The following ATP2C1 variants were observed in gnomAD, a reference collection of about 807,000 sequenced individuals.
The protein encoded by ATP2C1 is ATPase secretory pathway Ca2+ transporting 1.
A neutral mutation model predicts 120.5 loss-of-function variants in ATP2C1; 31 were observed. The ratio of observed to expected loss-of-function variants is 0.26; its 90% confidence interval spans 0.19 to 0.35. ATP2C1 has a LOEUF of 0.35. Ranked by LOEUF, ATP2C1 falls within the 10% of genes least tolerant of loss-of-function variation. The probability of loss-of-function intolerance (pLI) is 1.00; values close to 1 mark genes in which losing one functional copy is unlikely to be tolerated. For missense variants in ATP2C1, 731 were observed against 1,107.5 expected (o/e 0.66, Z 4.83); for synonymous variants, 351 against 358.7 (o/e 0.98, Z 0.24).
In ATP2C1 at chr3:130,894,354, C is replaced by T. The variant is rs1336560708; in HGVS notation, c.-181+17C>T. The T allele has an allele frequency of 3.7e-6, 4 of 1,072,568 alleles. No homozygotes were observed. Among genetic ancestry groups the T allele is most frequent in the African/African-American group, 1.7e-5 (1 of 59,926 alleles). 66.4% of individuals were successfully genotyped at this position (1,072,568 alleles called of 1,614,324 possible). A position where few individuals can be genotyped will look rare whatever the true frequency, so the allele number is the denominator to read the frequency against. On this transcript the variant is annotated intron_variant, in intron 1 of 27. Coordinates refer to ENST00000510168, the MANE Select transcript of ATP2C1 (RefSeq NM_001378687.1). The surrounding 1 kb of genome is among the most constrained non-coding windows in gnomAD (Gnocchi z 4.5). ...GGGCTTTGGGTGGGTACCAGTATTA[C>T]CTCCTGCCCCCATTTCTAGAAACTT... is the stretch of plus-strand genomic sequence containing the variant.
At chr3:130,999,767 ACTTGATTTG>A in intron 27 of ATP2C1, 108 bp downstream of exon 27, 1 of 1,083,054 alleles carries the variant, frequency 9.2e-7, no homozygotes, top group South Asian at 1.5e-5. Context: ...TAAGTAACTC[ACTTGATTTG>A]AAAAAGGAGT....
intron 2 of ATP2C1, among the ~76,000 whole-genome samples, chr3:130,916,782 A>T (rs1178760034): frequency 1.3e-5 from 2 of 151,208 alleles, no homozygotes; most frequent in African/African-American, 2.4e-5. Flanking sequence ...TTCTTTTTTT[A>T]TTCAGCTCTC....
Position 130,950,928 on chromosome 3 carries a change from G to A in ATP2C1, c.532-2893G>A, listed in dbSNP as rs2060346234. Reference sequence around the variant, plus strand: ...TCACTTCATGTTAGTATTTATCCATGTTTAAGATTTACATTTAAAGCAAAA... The same window carrying A: ...TCACTTCATGTTAGTATTTATCCATATTTAAGATTTACATTTAAAGCAAAA... On this transcript the variant is annotated intron_variant, in intron 8 of 27. Coordinates refer to ENST00000510168, the MANE Select transcript of ATP2C1 (RefSeq NM_001378687.1). 2.6e-5 allele frequency among the ~76,000 whole-genome samples: 4 copies of A among 152,004 alleles called. 1 individual carries two copies. In the South Asian group the frequency reaches 8.3e-4, roughly 32 times the overall value.
At chr3:130,913,869 A>G (rs888814866) in intron 2 of ATP2C1, among the ~76,000 whole-genome samples, 1 of 152,198 alleles carries the variant, frequency 6.6e-6, no homozygotes, top group Non-Finnish European at 1.5e-5. Flanking sequence ...ATCACTTACT[A>G]GTTTTGTTAA....
Position 131,015,332 on chromosome 3 carries a change from AATCT to A in ATP2C1, c.2630-815_2630-812del, listed in dbSNP as rs2063562731. ...CTGAGTGGAGAGACAAACAAAACAC[AATCT>A]ATCTCCTTTTTATCTTCATCTCTCC... On this transcript the variant is annotated intron_variant, in intron 26 of 26. Transcript: ENST00000328560. 18 of 648,374 alleles carry A rather than the reference AATCT, an allele frequency of 2.8e-5. No individual in the cohort carries two copies. The South Asian group carries it at 2.9e-4, about 11-fold the overall frequency. The allele number at this position is 648,374 out of a possible 1,614,324, so 40.2% of individuals were successfully genotyped here.
At chr3:131,010,187 C>CTTTTTTTTTTT (rs35503162) in intron 26 of ATP2C1, among the ~76,000 whole-genome samples, 1 of 88,024 alleles carries the variant, frequency 1.1e-5, no homozygotes, top group African/African-American at 4.2e-5. Context: ...CTTTTTCTAT[C>CTTTTTTTTTTT]TTTTTTTTTT....
At chr3:130,982,489 C>T (rs1197322456) in intron 20 of ATP2C1, among the ~76,000 whole-genome samples, 1 of 152,154 alleles carries the variant, frequency 6.6e-6, no homozygotes, top group Non-Finnish European at 1.5e-5. Context: ...GGAAGTGCCC[C>T]ATAAGAGGTG....
intron 2 of ATP2C1, among the ~76,000 whole-genome samples, chr3:130,904,812 A>G (rs1453947459): frequency 1.3e-5 from 2 of 151,968 alleles, no homozygotes; most frequent in Admixed American, 6.6e-5. Flanking sequence ...CATTCTTACT[A>G]TATTTGGAAT....
At chr3:130,934,588 ACTGTGTTG>A in intron 4 of ATP2C1, 26 bp from the exon 5 acceptor site, 1 of 1,400,614 alleles carries the variant, frequency 7.1e-7, no homozygotes, top group Non-Finnish European at 1.0e-6. Context: ...CATGTACAAA[ACTGTGTTG>A]AATTGCTGTT....
At chr3:130,903,413 A>G (rs2057959052) in intron 2 of ATP2C1, among the ~76,000 whole-genome samples, 1 of 151,990 alleles carries the variant, frequency 6.6e-6, no homozygotes, top group Non-Finnish European at 1.5e-5. Context: ...GTGGCTCCCC[A>G]TTGTACCTGT....
intron 22 of ATP2C1, among the ~76,000 whole-genome samples, chr3:130,994,942 A>G (rs781694635): frequency 9.9e-5 from 15 of 152,206 alleles, no homozygotes; most frequent in Non-Finnish European, 1.8e-4. Context: ...CTTGTAAACC[A>G]TGTTCTTCAT....
intron 1 of ATP2C1, among the ~76,000 whole-genome samples, chr3:130,888,935 C>A (rs1350768118): frequency 6.6e-6 from 1 of 152,146 alleles, no homozygotes; most frequent in African/African-American, 2.4e-5. Flanking sequence ...TTGCTCTGCT[C>A]TCCAAAACAC....
intron 2 of ATP2C1, among the ~76,000 whole-genome samples, chr3:130,925,097 C>G (rs139585996): frequency 1.3e-5 from 2 of 151,880 alleles, no homozygotes; most frequent in African/African-American, 4.8e-5. Flanking sequence ...CGTCTTTGTT[C>G]GGATCCATTG....
At chr3:130,883,986 G>A (rs1325282221) in intron 1 of ATP2C1, among the ~76,000 whole-genome samples, 1 of 129,728 alleles carries the variant, frequency 7.7e-6, no homozygotes, top group African/African-American at 2.9e-5. Flanking sequence ...CTGTCACCCA[G>A]GCTGGACTGC....
rs190454060 is a variant in ATP2C1 at position 130,897,391 on chromosome 3, C to T, written c.6+2616C>T. On this transcript the variant is annotated intron_variant, in intron 2 of 27. Transcript: ENST00000510168. Reference sequence around the variant, plus strand: ...TAAGCTTTCTCAGCCTCTAAGTTATCTCATCTGTAAATGAGATAATGCCCT... The same window carrying T: ...TAAGCTTTCTCAGCCTCTAAGTTATTTCATCTGTAAATGAGATAATGCCCT... 2.8e-4 allele frequency among the ~76,000 whole-genome samples: 43 copies of T among 152,288 alleles called. 1 individual carries two copies. The highest frequency in any genetic ancestry group is 2.2e-3 in the Admixed American group (33 of 15,298).
rs1220752858 is a variant in ATP2C1, at chr3:131,002,129, T to TGGG, written c.*779_*780insGGG. ...ACGCTTAGTCATAGAGTCAAAAACA[T>TGGG]TTAAGACTGATTGGGTTGAAGTTTA... On this transcript the variant is annotated 3_prime_UTR_variant, in exon 28 of 28. Transcript: ENST00000510168. The TGGG allele has an allele frequency of 1.0e-6, 1 of 984,798 alleles. No homozygotes were observed. Among genetic ancestry groups the TGGG allele is most frequent in the Admixed American group, 6.2e-5 (1 of 16,248 alleles). 61.0% of individuals were successfully genotyped at this position (984,798 alleles called of 1,614,324 possible). A position where few individuals can be genotyped will look rare whatever the true frequency, so the allele number is the denominator to read the frequency against.
rs146388871 is a variant in ATP2C1 at position 130,939,752 on chromosome 3, T to G, written c.361-878T>G. On this transcript the variant is annotated intron_variant, in intron 6 of 27. Coordinates refer to ENST00000510168, the MANE Select transcript of ATP2C1 (RefSeq NM_001378687.1). ...ACTCTAAGATTAAGTAGAGACTGAT[T>G]GTGTTCTAAGTTATTCTTACATAGC... Among the ~76,000 whole-genome samples, 15 of 152,358 alleles carry G rather than the reference T, an allele frequency of 9.8e-5. No individual in the cohort carries two copies. The East Asian group carries it at 2.9e-3, about 29-fold the overall frequency.
At chr3:130,883,554 C>T (rs1233352591) in intron 1 of ATP2C1, among the ~76,000 whole-genome samples, 2 of 151,536 alleles carry the variant, frequency 1.3e-5, no homozygotes, top group African/African-American at 4.9e-5. Flanking sequence ...CAGGCTCATG[C>T]AATTCTTCTG....
chr3:130,967,734 C>G (rs977546141), intron 16 of ATP2C1, among the ~76,000 whole-genome samples: 4 of 152,122 alleles, frequency 2.6e-5, no homozygotes, highest in African/African-American at 4.8e-5. Context: ...TGTGTAATTG[C>G]TGATAAATAC....
Sources: allele counts gnomAD v4.1 joint callset (sites outside exome capture counted in the v4.1 genomes callset), GRCh38; gene constraint gnomAD v4.1.1; non-coding constraint Gnocchi (gnomAD v3.1); transcripts MANE v1.5; gene names NCBI Gene and HGNC (gene_info 2026-07-23, HGNC 2026-07-21).